BTBD9: variants seen among roughly 807,000 people sequenced by gnomAD.
The protein encoded by BTBD9 is BTB domain containing 9.
A neutral mutation model predicts 64.3 loss-of-function variants in BTBD9; 49 were observed. The observed-to-expected ratio is 0.76, with a 90% CI of 0.61 to 0.97. BTBD9 has a LOEUF of 0.97. Among genes scored for constraint, BTBD9 ranks in the 50% least tolerant of loss-of-function variants. The pLI is 0.00. For missense variants in BTBD9, 598 were observed against 762.1 expected (o/e 0.78, Z 2.53); for synonymous variants, 260 against 274.7 (o/e 0.95, Z 0.53).
intron 7 of BTBD9, among the ~76,000 whole-genome samples, chr6:38,334,513 T>C (rs1026755084): frequency 2.0e-5 from 3 of 151,908 alleles, no homozygotes; most frequent in African/African-American, 7.2e-5. Flanking sequence ...TCAGCGGAGG[T>C]TGTAGTGGTT....
intron 6 of BTBD9, among the ~76,000 whole-genome samples, chr6:38,485,579 A>G (rs1024618078): frequency 4.1e-4 from 63 of 152,292 alleles, no homozygotes; most frequent in African/African-American, 1.4e-3. Flanking sequence ...ATGAGCAGGA[A>G]TATTTTGAGA....
At chr6:38,469,019 T>C (rs1232046723) in intron 6 of BTBD9, among the ~76,000 whole-genome samples, 3 of 151,954 alleles carry the variant, frequency 2.0e-5, no homozygotes, top group Admixed American at 2.0e-4. Flanking sequence ...CAATCCTTAC[T>C]AAGGAAATAA....
intron 7 of BTBD9, among the ~76,000 whole-genome samples, chr6:38,333,521 G>T (rs533253730): frequency 1.4e-4 from 21 of 152,202 alleles, no homozygotes; most frequent in Admixed American, 1.2e-3. Context: ...CTGAATCATG[G>T]GGTCAGACCT....
rs1769604250 is a variant in BTBD9, at chr6:38,452,512, A to T, written c.1155-107419T>A. ...TGGATGTTGGAAAAATCAATTAAAG[A>T]TGTAATAATTTAGGCCTGAGTCCAT... On this transcript the variant is annotated intron_variant, in intron 6 of 10. Transcript: ENST00000481247. 5.9e-5 allele frequency among the ~76,000 whole-genome samples: 9 copies of T among 152,184 alleles called. 1 individual carries two copies. In the South Asian group the frequency reaches 1.5e-3, roughly 25 times the overall value.
chr6:38,550,322 CTT>C (rs70981562), intron 6 of BTBD9, among the ~76,000 whole-genome samples: 5 of 144,088 alleles, frequency 3.5e-5, no homozygotes, highest in Non-Finnish European at 4.5e-5. Flanking sequence ...TTTCTTTTTT[CTT>C]TTTTTTTTTT....
intron 7 of BTBD9, among the ~76,000 whole-genome samples, chr6:38,315,691 G>GT (rs1350359622): frequency 6.6e-6 from 1 of 152,074 alleles, no homozygotes; most frequent in Non-Finnish European, 1.5e-5. Flanking sequence ...TATTATTTCA[G>GT]TTTTTTTGAA....
rs1024195437 is a variant in BTBD9, at chr6:38,168,507, G to A, written c.*6478C>T. The A allele has an allele frequency of 6.6e-6, 1 of 150,684 alleles. No individual in the cohort carries two copies. The highest frequency in any genetic ancestry group is 2.5e-5 in the African/African-American group (1 of 39,878). 9.3% of individuals were successfully genotyped at this position (150,684 alleles called of 1,614,324 possible). ...GAAAACCTGCATTTTCACACACATGGACTCAGGGGTTTCGAACACACGGTT... is the reference window on the plus strand; with the variant it reads ...GAAAACCTGCATTTTCACACACATGAACTCAGGGGTTTCGAACACACGGTT... On this transcript the variant is annotated 3_prime_UTR_variant, in exon 11 of 11. Coordinates refer to ENST00000481247, the MANE Select transcript of BTBD9 (RefSeq NM_001099272.2).
intron 6 of BTBD9, among the ~76,000 whole-genome samples, chr6:38,572,873 A>T (rs2127467972): frequency 6.6e-6 from 1 of 152,068 alleles, no homozygotes; most frequent in Non-Finnish European, 1.5e-5. Flanking sequence ...CAAGCCAGAA[A>T]TCATTTAAAA....
At chr6:38,545,430 G>A (rs757220737) in intron 6 of BTBD9, among the ~76,000 whole-genome samples, 5 of 152,088 alleles carry the variant, frequency 3.3e-5, no homozygotes, top group Admixed American at 2.0e-4. Flanking sequence ...AGATAGCGGC[G>A]ATGGCTGCAG....
In BTBD9 at chr6:38,175,071, A is replaced by G. The variant is rs1233930147; in HGVS notation, c.1753T>C (p.Ser585Pro). The change falls in exon 11 of 11, where the codon TCC becomes CCC. Residue 585 changes from serine (S) to proline (P), a missense_variant. By Grantham distance (74) the Ser-to-Pro change is moderately conservative (BLOSUM62 -1). Coordinates refer to ENST00000481247, the MANE Select transcript of BTBD9 (RefSeq NM_001099272.2). ...CCACTAGGCGCCCGCAGCGCATGGGAGTCGAGCTGCTGACCGGCCAGGCTG... is the reference window on the plus strand; with the variant it reads ...CCACTAGGCGCCCGCAGCGCATGGGGGTCGAGCTGCTGACCGGCCAGGCTG... Reference protein sequence around the residue: ...DTSLAGQQLDSHALRAPSGSS... With the variant: ...DTSLAGQQLDPHALRAPSGSS... The G allele has an allele frequency of 6.2e-7, 1 of 1,614,092 alleles. No homozygotes were observed. Among genetic ancestry groups the G allele is most frequent in the Non-Finnish European group, 8.5e-7 (1 of 1,180,048 alleles).
intron 1 of BTBD9, among the ~76,000 whole-genome samples, chr6:38,613,878 A>C (rs1480851094): frequency 6.6e-6 from 1 of 152,166 alleles, no homozygotes; most frequent in Non-Finnish European, 1.5e-5. Context: ...GTAAATGAGA[A>C]GACAGGGCTA....
At chr6:38,355,137 G>A (rs149806957) in intron 6 of BTBD9, among the ~76,000 whole-genome samples, 116 of 152,292 alleles carry the variant, frequency 7.6e-4, no homozygotes, top group Non-Finnish European at 1.4e-3. Flanking sequence ...ATCTGTCAAT[G>A]TGTTAGAACT....
intron 6 of BTBD9, among the ~76,000 whole-genome samples, chr6:38,461,011 T>G (rs1770059792): frequency 6.6e-6 from 1 of 152,212 alleles, no homozygotes; most frequent in African/African-American, 2.4e-5. Flanking sequence ...GTAATTAAAT[T>G]TGGTTCTTCA....
intron 6 of BTBD9, among the ~76,000 whole-genome samples, chr6:38,520,730 C>G (rs532753352): frequency 6.6e-6 from 1 of 151,568 alleles, no homozygotes; most frequent in Non-Finnish European, 1.5e-5. Flanking sequence ...CTCAAGAGTT[C>G]GAGACCAGCC....
chr6:38,563,584 T>C (rs561298911), intron 6 of BTBD9, among the ~76,000 whole-genome samples: 50 of 152,216 alleles, frequency 3.3e-4, no homozygotes, highest in African/African-American at 1.2e-3. Context: ...CCACAAGCTC[T>C]TTAACGTGCC....
intron 4 of BTBD9, chr6:38,588,356 T>C (rs1776639381): frequency 2.3e-6 from 2 of 878,312 alleles, no homozygotes; most frequent in Admixed American, 3.5e-5. Flanking sequence ...AATTATACTG[T>C]GGCCCCTGCC....
rs114923112 is a variant in BTBD9 at position 38,488,506 on chromosome 6, G to A, written c.1154+89094C>T. Among the ~76,000 whole-genome samples the A allele has an allele frequency of 1.9e-3, 289 of 152,292 alleles. 1 individual carries two copies. The highest frequency in any genetic ancestry group is 6.5e-3 in the African/African-American group (271 of 41,564). On this transcript the variant is annotated intron_variant, in intron 6 of 10. Transcript: ENST00000481247. ...CCCAGGGACGAGGCAGTGACTTCAG[G>A]CTGCGATGTGTCGGCATAGCACAGT...
chr6:38,526,899 A>G (rs1773520978), intron 6 of BTBD9, among the ~76,000 whole-genome samples: 1 of 152,108 alleles, frequency 6.6e-6, no homozygotes, highest in South Asian at 2.1e-4. Context: ...GAGACTTTGG[A>G]TTATGGACTA....
At chr6:38,554,623 TC>T in intron 6 of BTBD9, among the ~76,000 whole-genome samples, 1 of 152,260 alleles carries the variant, frequency 6.6e-6, no homozygotes, top group Non-Finnish European at 1.5e-5. Context: ...TACCAGAAAA[TC>T]AACTGTGCAT....
Sources: gnomAD v4.1 joint callset for allele counts (sites outside exome capture counted in the v4.1 genomes callset) on GRCh38, gnomAD v4.1.1 for gene constraint, MANE v1.5 for transcripts, NCBI Gene and HGNC (gene_info 2026-07-23, HGNC 2026-07-21) for gene names.